The following SRRM4 variants were observed in gnomAD, a reference collection of about 807,000 sequenced individuals.
SRRM4 encodes serine/arginine repetitive matrix protein 4.
A neutral mutation model predicts 68.9 loss-of-function variants in SRRM4; 33 were observed. The observed-to-expected ratio is 0.48, with a 90% CI of 0.36 to 0.64. The LOEUF (loss-of-function observed/expected upper bound fraction) is 0.64, where lower values mean the gene tolerates loss of function less well. SRRM4 is among the 30% of genes least tolerant of loss of function. SRRM4 has a pLI of 0.00. For missense variants in SRRM4, 817 were observed against 827.1 expected, an observed-to-expected ratio of 0.99 and a Z score of 0.15; for synonymous variants, 318 against 318.8, an observed-to-expected ratio of 1.00 and a Z score of 0.03.
In SRRM4 at chr12:119,116,946, C is replaced by T. The variant is rs73213764; in HGVS notation, c.375C>T (p.Ser125=). Residue 125 remains serine (S), a synonymous_variant, in exon 4 of 13, where the codon TCC becomes TCT. Transcript: ENST00000267260. The part of the protein sequence containing the change: ...STRKKRRRSS[S]YSPSPVKKKK... ...TTCTTGGCCCTGGCAGGTCCTCATC[C>T]TATAGCCCATCGCCTGTCAAGAAAA... The T allele has an allele frequency of 1.2e-5, 20 of 1,613,354 alleles. No individual in the cohort carries two copies. Among genetic ancestry groups the T allele is most frequent in the African/African-American group, 6.7e-5 (5 of 74,956 alleles).
chr12:119,154,155 G>T lies in SRRM4; in HGVS notation c.1392-88G>T. The T allele has an allele frequency of 7.8e-7, 1 of 1,274,562 alleles. No individual in the cohort carries two copies. Among genetic ancestry groups the T allele is most frequent in the Non-Finnish European group, 1.1e-6 (1 of 909,620 alleles). 79.0% of individuals were successfully genotyped at this position (1,274,562 alleles called of 1,614,324 possible). A position where few individuals can be genotyped will look rare whatever the true frequency, so the allele number is the denominator to read the frequency against. ...CCCATCCCGTGACCCAGTGGGGTGGGAAAGAAAGGGAGTGTCCCTCTCCCA... is the reference window on the plus strand; with the variant it reads ...CCCATCCCGTGACCCAGTGGGGTGGTAAAGAAAGGGAGTGTCCCTCTCCCA... On this transcript the variant is annotated intron_variant, in intron 11 of 12. Transcript: ENST00000267260. This position sits in a 1 kb window ranked among gnomAD's most constrained non-coding sequence, Gnocchi z 4.7.
At chr12:119,140,219 A>G (rs915764293) in intron 8 of SRRM4, among the ~76,000 whole-genome samples, 7 of 149,158 alleles carry the variant, frequency 4.7e-5, no homozygotes, top group African/African-American at 1.8e-4. Context: ...TACTAAAAAT[A>G]CAAAAAAAAT....
intron 12 of SRRM4, among the ~76,000 whole-genome samples, chr12:119,156,010 G>A (rs1954469001): frequency 6.6e-6 from 1 of 152,098 alleles, no homozygotes; most frequent in South Asian, 2.1e-4. Context: ...TCATTCACCA[G>A]TATCTTGACC....
chr12:119,149,917 C>G (rs758583930), intron 9 of SRRM4, among the ~76,000 whole-genome samples: 1 of 152,154 alleles, frequency 6.6e-6, no homozygotes, highest in Non-Finnish European at 1.5e-5. Context: ...AGAGGTCAGC[C>G]TGGCCCTAGG....
At chr12:119,137,332 T>C (rs981619551) in intron 8 of SRRM4, among the ~76,000 whole-genome samples, 2 of 152,180 alleles carry the variant, frequency 1.3e-5, no homozygotes, top group Non-Finnish European at 2.9e-5. Context: ...TGCCTCTTGA[T>C]CTTAGAATTC....
At chr12:119,014,315 AC>A (rs1157937553) in intron 1 of SRRM4, among the ~76,000 whole-genome samples, 2 of 152,188 alleles carry the variant, frequency 1.3e-5, no homozygotes, top group African/African-American at 4.8e-5. Context: ...TTTAGAACAG[AC>A]AAAAAAAATT....
At position 119,160,483 on chromosome 12, in the gene SRRM4, T is replaced by C. The variant is rs371908770; in HGVS notation, c.*3685T>C. 46 of 152,320 alleles carry C rather than the reference T, an allele frequency of 3.0e-4. No homozygotes were observed. Among genetic ancestry groups the C allele is most frequent in the African/African-American group, 1.1e-3 (44 of 41,580 alleles). 9.4% of individuals were successfully genotyped at this position (152,320 alleles called of 1,614,324 possible). ...CATTACCTTCTGCTTCCAAGGAATA[T>C]GACAGATCACCAGGATGCTGCTCGT... On this transcript the variant is annotated 3_prime_UTR_variant, in exon 13 of 13. Transcript: ENST00000267260.
In SRRM4 at chr12:119,151,156, C is replaced by G. The variant is rs373815603; in HGVS notation, c.1216C>G (p.Arg406Gly). 5.0e-6 allele frequency: 8 copies of G among 1,613,856 alleles called. No individual in the cohort carries two copies. Among genetic ancestry groups the G allele is most frequent in the Non-Finnish European group, 6.8e-6 (8 of 1,179,886 alleles). ...CACCCGATCCTCCAGTCACTCGTCCCGATCCCCAAATCCCAGGGCTTCCCC... is the reference window on the plus strand; with the variant it reads ...CACCCGATCCTCCAGTCACTCGTCCGGATCCCCAAATCCCAGGGCTTCCCC... Reference protein sequence around the residue: ...ASTRSSSHSSRSPNPRASPRY... With the variant: ...ASTRSSSHSSGSPNPRASPRY... The change falls in exon 10 of 13, where the codon CGA becomes GGA. Residue 406 changes from arginine (R) to glycine (G), a missense_variant. Arg to Gly is a moderately radical substitution (Grantham distance 125). Transcript: ENST00000267260.
intron 2 of SRRM4, among the ~76,000 whole-genome samples, chr12:119,102,916 C>T (rs896530461): frequency 1.3e-5 from 2 of 152,166 alleles, no homozygotes; most frequent in Admixed American, 6.5e-5. Flanking sequence ...TATACACATA[C>T]TCCATAAAAA....
intron 1 of SRRM4, among the ~76,000 whole-genome samples, chr12:119,082,576 C>T (rs1384452210): frequency 6.6e-6 from 1 of 152,196 alleles, no homozygotes; most frequent in Admixed American, 6.5e-5. Flanking sequence ...CCAAGCCATC[C>T]TAGCTGGTGA....
chr12:119,073,319 T>TTTA (rs1754918187), intron 1 of SRRM4, among the ~76,000 whole-genome samples: 2 of 149,438 alleles, frequency 1.3e-5, no homozygotes, highest in South Asian at 4.3e-4. Flanking sequence ...CCTCTTTTTT[T>TTTA]TTTTTGTTTG....
At chr12:119,003,619 C>T (rs1953399069) in intron 1 of SRRM4, among the ~76,000 whole-genome samples, 1 of 151,882 alleles carries the variant, frequency 6.6e-6, no homozygotes, top group Non-Finnish European at 1.5e-5. Flanking sequence ...GATACCACAC[C>T]CAGATCAGCT....
intron 1 of SRRM4, among the ~76,000 whole-genome samples, chr12:119,084,035 C>CACT (rs1439144404): frequency 6.6e-6 from 1 of 152,216 alleles, no homozygotes; most frequent in Non-Finnish European, 1.5e-5. Context: ...ATTGAATCCT[C>CACT]ACTACGGCCC....
intron 1 of SRRM4, among the ~76,000 whole-genome samples, chr12:119,007,811 A>G (rs1442173711): frequency 6.6e-6 from 1 of 152,144 alleles, no homozygotes; most frequent in Non-Finnish European, 1.5e-5. Context: ...ATCCCACTCC[A>G]AGAGGGGCTC....
chr12:119,112,489 T>C (rs896923931), intron 2 of SRRM4, among the ~76,000 whole-genome samples: 1 of 152,176 alleles, frequency 6.6e-6, no homozygotes, highest in Non-Finnish European at 1.5e-5. Context: ...ATTATAAAGA[T>C]ACATGCACGC....
chr12:119,051,129 G>A (rs1218470777), intron 1 of SRRM4, among the ~76,000 whole-genome samples: 2 of 152,164 alleles, frequency 1.3e-5, no homozygotes, highest in Non-Finnish European at 2.9e-5. Flanking sequence ...TGGAAGCTAG[G>A]GATGCTACTA....
chr12:119,151,010 C>T lies in SRRM4; in HGVS notation c.1077-7C>T. On this transcript the variant is annotated splice_region_variant and splice_polypyrimidine_tract_variant and intron_variant, in intron 9 of 12. Coordinates refer to ENST00000267260, the MANE Select transcript of SRRM4 (RefSeq NM_194286.4). ...GTCGGTGCTCATGGACATTTTCCCA[C>T]CTGCAGGGGATTTCAGTCACCGTGT... The T allele has an allele frequency of 1.2e-6, 2 of 1,613,636 alleles. No homozygotes were observed. Among genetic ancestry groups the T allele is most frequent in the Non-Finnish European group, 1.7e-6 (2 of 1,179,716 alleles).
At chr12:118,996,601 T>C (rs1349295564) in intron 1 of SRRM4, among the ~76,000 whole-genome samples, 2 of 152,182 alleles carry the variant, frequency 1.3e-5, no homozygotes, top group Non-Finnish European at 2.9e-5. Flanking sequence ...TTACTTTGAT[T>C]CCTAAACGAA....
intron 2 of SRRM4, among the ~76,000 whole-genome samples, chr12:119,110,052 C>T (rs1954132656): frequency 6.6e-6 from 1 of 152,222 alleles, no homozygotes; most frequent in Admixed American, 6.5e-5. Context: ...ACAGTCAGGA[C>T]CCTCAGCTGC....
Sources: allele counts gnomAD v4.1 joint callset (sites outside exome capture counted in the v4.1 genomes callset), GRCh38; gene constraint gnomAD v4.1.1; non-coding constraint Gnocchi (gnomAD v3.1); transcripts MANE v1.5; gene names NCBI Gene and HGNC (gene_info 2026-07-23, HGNC 2026-07-21).